The following SCML4 variants were observed in gnomAD, a reference collection of about 807,000 sequenced individuals.
SCML4 encodes sex comb on midleg-like protein 4.
A neutral mutation model predicts 41.1 loss-of-function variants in SCML4; 34 were observed. The observed-to-expected ratio is 0.83, with a 90% CI of 0.63 to 1.10. SCML4 has a LOEUF of 1.10. Ranked by LOEUF, SCML4 falls within the 50% of genes least tolerant of loss-of-function variation. The pLI is 0.00. For synonymous variants in SCML4, 214 were observed against 220.9 expected, an observed-to-expected ratio of 0.97 and a Z score of 0.28; for missense variants, 522 against 534.1, an observed-to-expected ratio of 0.98 and a Z score of 0.22.
At chr6:107,834,927 G>C in the SCML4 span, among the ~76,000 whole-genome samples, 51 of 126,534 alleles carry the variant, frequency 4.0e-4, no homozygotes, top group Non-Finnish European at 1.3e-4. Context: ...GACAAAGAGA[G>C]ACCCTGTCTG....
the SCML4 span, among the ~76,000 whole-genome samples, chr6:107,839,126 C>T: frequency 6.6e-6 from 1 of 151,962 alleles, no homozygotes; most frequent in Non-Finnish European, 1.5e-5. Flanking sequence ...ATGGTGAAAC[C>T]CTACAAAAAT....
intron 5 of SCML4, among the ~76,000 whole-genome samples, chr6:107,721,873 C>T (rs1775456480): frequency 6.6e-6 from 1 of 152,184 alleles, no homozygotes; most frequent in Admixed American, 6.5e-5. Context: ...TCCCCAAACC[C>T]TTCACAGGAG....
Position 107,797,186 on chromosome 6 carries a change from G to A in SCML4, c.-59-24800C>T, listed in dbSNP as rs1008181565. On this transcript the variant is annotated intron_variant, in intron 1 of 7. Coordinates refer to ENST00000369020, the MANE Select transcript of SCML4 (RefSeq NM_198081.5). ...CCATATAAGTGCAAAAAACCTGCTG[G>A]CATTTTCATTAGGAATGCATTGAAT... Among the ~76,000 whole-genome samples the A allele has an allele frequency of 8.3e-4, 126 of 152,096 alleles. 1 individual carries two copies. Among genetic ancestry groups the A allele is most frequent in the African/African-American group, 2.9e-3 (119 of 41,488 alleles).
At chr6:107,845,352 C>G in the SCML4 span, among the ~76,000 whole-genome samples, 7,719 of 152,284 alleles carry the variant, frequency 0.051, 564 homozygotes, top group East Asian at 0.16. Flanking sequence ...CCAGAGGCCC[C>G]GACCACCAGT....
intron 6 of SCML4, among the ~76,000 whole-genome samples, chr6:107,715,240 G>C (rs1774655312): frequency 7.4e-6 from 1 of 135,252 alleles, no homozygotes; most frequent in South Asian, 2.5e-4. Flanking sequence ...CTCTCAAAGT[G>C]CTGGGATTAC....
At chr6:107,842,173 C>T in the SCML4 span, among the ~76,000 whole-genome samples, 10 of 152,072 alleles carry the variant, frequency 6.6e-5, no homozygotes, top group South Asian at 6.2e-4. Flanking sequence ...TTCCTTTTGG[C>T]CCATGGATTA....
intron 2 of SCML4, chr6:107,755,505 G>C: frequency 1.4e-6 from 1 of 696,012 alleles, no homozygotes; most frequent in Non-Finnish European, 2.0e-6. Flanking sequence ...GAAGAGCACG[G>C]ATATGAGCCC....
chr6:107,716,485 C>T (rs7769109), intron 6 of SCML4, among the ~76,000 whole-genome samples: 2,911 of 152,146 alleles, frequency 0.019, 77 homozygotes, highest in African/African-American at 0.065. Context: ...ACTGTCTGGC[C>T]CCCTTGAGTG....
intron 1 of SCML4, among the ~76,000 whole-genome samples, chr6:107,777,547 C>G (rs182447298): frequency 6.6e-6 from 1 of 152,246 alleles, no homozygotes; most frequent in Non-Finnish European, 1.5e-5. Flanking sequence ...CTTCTGTTTT[C>G]TTGTTTTCTA....
At chr6:107,729,994 T>A (rs548779634) in intron 5 of SCML4, among the ~76,000 whole-genome samples, 2 of 152,346 alleles carry the variant, frequency 1.3e-5, no homozygotes, top group South Asian at 4.1e-4. Flanking sequence ...CTTGCTTCAG[T>A]TAAAACACAT....
chr6:107,840,836 G>A, the SCML4 span, among the ~76,000 whole-genome samples: 29 of 152,186 alleles, frequency 1.9e-4, no homozygotes, highest in South Asian at 3.5e-3. Context: ...AGAGTGGGAC[G>A]GGGGTAAGGT....
chr6:107,750,538 C>T (rs527568028), intron 2 of SCML4, among the ~76,000 whole-genome samples: 1 of 152,208 alleles, frequency 6.6e-6, no homozygotes, highest in South Asian at 2.1e-4. Context: ...AGCTCTCTAC[C>T]CAAAAGTAAT....
chr6:107,803,507 T>A (rs1783452135), intron 1 of SCML4, among the ~76,000 whole-genome samples: 8 of 147,670 alleles, frequency 5.4e-5, no homozygotes, highest in African/African-American at 1.8e-4. Flanking sequence ...TACTGGGAAG[T>A]GAGGAGCCCC....
At position 107,762,876 on chromosome 6, in the gene SCML4, C is replaced by CTTTTTTTTTTTTTTTTT. The variant is rs57370632; in HGVS notation, c.156+9279_156+9295dup. 5.6e-5 allele frequency among the ~76,000 whole-genome samples: 5 copies of CTTTTTTTTTTTTTTTTT among 89,658 alleles called. 1 individual carries two copies. Among genetic ancestry groups the CTTTTTTTTTTTTTTTTT allele is most frequent in the African/African-American group, 9.3e-5 (2 of 21,614 alleles). The allele number at this position is 89,658 out of a possible 152,430, so 58.8% of individuals were successfully genotyped here. A position where few individuals can be genotyped will look rare whatever the true frequency, so the allele number is the denominator to read the frequency against. On this transcript the variant is annotated intron_variant, in intron 2 of 7. Transcript: ENST00000369020. ...ATCAGCCCTAGAAAATAAATGCACT[C>CTTTTTTTTTTTTTTTTT]TTTTTTTTTTTTTTTTTTTTTTTTT... is the stretch of plus-strand genomic sequence containing the variant.
At chr6:107,808,733 A>G (rs562776982) in intron 1 of SCML4, among the ~76,000 whole-genome samples, 1 of 152,348 alleles carries the variant, frequency 6.6e-6, no homozygotes, top group African/African-American at 2.4e-5. Context: ...CTATTTTTGC[A>G]TATGTTTTAT....
At chr6:107,826,914 T>A (rs1312464769), upstream of SCML4, among the ~76,000 whole-genome samples, 1 of 147,010 alleles carries the variant, frequency 6.8e-6, no homozygotes, top group Non-Finnish European at 1.5e-5. Flanking sequence ...ATACAAAAAA[T>A]TAGCTGGGAG....
In SCML4 at chr6:107,705,306, A is replaced by T. The variant is rs1419089807; in HGVS notation, c.1139T>A (p.Leu380Gln). The T allele has an allele frequency of 6.4e-7, 1 of 1,551,442 alleles. No homozygotes were observed. Among genetic ancestry groups the T allele is most frequent in the Non-Finnish European group, 8.7e-7 (1 of 1,146,580 alleles). Residue 380 changes from leucine to glutamine, a missense_variant, in exon 8 of 8, where the codon CTG (leucine) becomes CAG (glutamine). Coordinates refer to ENST00000369020, the MANE Select transcript of SCML4 (RefSeq NM_198081.5). ...FRKHEIDGNA[L>Q]LLLKSDMVMK... The stretch of plus-strand genomic sequence containing the variant: ...GACCATGTCACTCTTCAGCAACAGC[A>T]GAGCGTTGCCATCAATCTCCTGGTG...
rs749080686 is a variant in SCML4, at chr6:107,704,500, C to T, written c.*700G>A. ...AATAAATCCCCTGTTTCTGTGTGGG[C>T]TAGATCTTGTTCACAGACACCCTAA... On this transcript the variant is annotated 3_prime_UTR_variant, in exon 8 of 8. Transcript: ENST00000369020. 6.6e-6 allele frequency: 1 copy of T among 152,312 alleles called. No individual in the cohort carries two copies. The highest frequency in any genetic ancestry group is 1.5e-5 in the Non-Finnish European group (1 of 68,122). 9.4% of individuals were successfully genotyped at this position (152,312 alleles called of 1,614,324 possible).
intron 6 of SCML4, among the ~76,000 whole-genome samples, chr6:107,713,565 T>A (rs999401755): frequency 8.5e-5 from 13 of 152,352 alleles, no homozygotes; most frequent in Admixed American, 7.8e-4. Flanking sequence ...ATTGTCTTCA[T>A]CTATAAATTG....
Sources: gnomAD v4.1 joint callset for allele counts (sites outside exome capture counted in the v4.1 genomes callset) on GRCh38, gnomAD v4.1.1 for gene constraint, MANE v1.5 for transcripts, NCBI Gene and HGNC (gene_info 2026-07-23, HGNC 2026-07-21) for gene names.